Variants in SNX6 observed in about 807,000 individuals in gnomAD.
SNX6 encodes the protein sorting nexin-6.
SNX6 carries 34 observed loss-of-function variants against 63.0 expected under a neutral mutation model. The ratio of observed to expected loss-of-function variants is 0.54; its 90% CI spans 0.41 to 0.72. The LOEUF (loss-of-function observed/expected upper bound fraction) is 0.72, where lower values mean the gene tolerates loss of function less well. Among genes scored for constraint, SNX6 ranks in the 30% least tolerant of loss-of-function variants. The probability of loss-of-function intolerance (pLI) is 0.00; values close to 1 mark genes in which losing one functional copy is unlikely to be tolerated. For synonymous variants in SNX6, 170 were observed against 164.2 expected (o/e 1.04, Z -0.27); for missense variants, 398 against 471.4 (o/e 0.84, Z 1.44).
At chr14:34,620,230 A>G (rs1263467873) in intron 2 of SNX6, among the ~76,000 whole-genome samples, 8 of 152,162 alleles carry the variant, frequency 5.3e-5, no homozygotes, top group Admixed American at 3.3e-4. Flanking sequence ...CCCCACCCTC[A>G]ACAAGTGAAC....
At chr14:34,602,327 G>A (rs541941165) in intron 6 of SNX6, among the ~76,000 whole-genome samples, 1 of 152,022 alleles carries the variant, frequency 6.6e-6, no homozygotes, top group South Asian at 2.1e-4. Context: ...TTGAGAGTCT[G>A]AGGCAGAAGA....
chr14:34,563,187 A>G lies in SNX6; in HGVS notation c.1168-12T>C, dbSNP rs1881007463. 1 of 1,610,494 alleles carries G rather than the reference A, an allele frequency of 6.2e-7. No homozygotes were observed. The highest frequency in any genetic ancestry group is 1.1e-5 in the South Asian group (1 of 90,536). On this transcript the variant is annotated splice_polypyrimidine_tract_variant and intron_variant, in intron 13 of 13. Transcript: ENST00000362031. ...AACTGTAGATTACCCTAAAAAAGGAAGAAAAAATAAATTACAAATTTTATT... is the reference window on the plus strand; with the variant it reads ...AACTGTAGATTACCCTAAAAAAGGAGGAAAAAATAAATTACAAATTTTATT...
At chr14:34,572,705 G>A (rs1881501540) in intron 11 of SNX6, among the ~76,000 whole-genome samples, 1 of 151,492 alleles carries the variant, frequency 6.6e-6, no homozygotes, top group Non-Finnish European at 1.5e-5. Context: ...TTTTGAGATG[G>A]AGTCTCGCTC....
intron 10 of SNX6, among the ~76,000 whole-genome samples, chr14:34,578,759 T>C (rs71419996): frequency 0.38 from 56,515 of 149,408 alleles, 12,453 homozygotes; most frequent in East Asian, 0.74. Context: ...GCCAACATGG[T>C]GAAACCCCAT....
intron 8 of SNX6, among the ~76,000 whole-genome samples, chr14:34,587,789 G>A (rs1258141748): frequency 2.1e-5 from 3 of 145,762 alleles, no homozygotes; most frequent in East Asian, 2.0e-4. Context: ...ATGCCACCAC[G>A]GTTGGCTAAT....
chr14:34,567,146 C>A (rs1881219696), intron 13 of SNX6, among the ~76,000 whole-genome samples: 1 of 151,642 alleles, frequency 6.6e-6, no homozygotes, highest in East Asian at 1.9e-4. Flanking sequence ...GTTGCTTGAA[C>A]CTGGGAAGCA....
intron 2 of SNX6, among the ~76,000 whole-genome samples, chr14:34,620,826 A>C (rs577663671): frequency 6.6e-6 from 1 of 152,110 alleles, no homozygotes; most frequent in Non-Finnish European, 1.5e-5. Flanking sequence ...CTGTAATCCC[A>C]GCTACTCAGG....
chr14:34,578,288 ATTTTCTGCAAC>A, intron 10 of SNX6, among the ~76,000 whole-genome samples: 1 of 152,098 alleles, frequency 6.6e-6, no homozygotes, highest in Non-Finnish European at 1.5e-5. Context: ...TTCTTGTACT[ATTTTCTGCAAC>A]TTTTCTGTAA....
intron 13 of SNX6, among the ~76,000 whole-genome samples, chr14:34,564,828 C>CA (rs754717917): frequency 0.066 from 6,454 of 97,680 alleles, 175 homozygotes; most frequent in Middle Eastern, 0.12. Flanking sequence ...AACTAAGTAT[C>CA]AAAAAAAAAA....
chr14:34,589,095 C>T (rs1008129920), intron 8 of SNX6, among the ~76,000 whole-genome samples: 5 of 152,122 alleles, frequency 3.3e-5, no homozygotes, highest in African/African-American at 1.2e-4. Context: ...GATCACGTCA[C>T]TGCACTCCAG....
At chr14:34,576,147 A>C (rs1407747462) in intron 10 of SNX6, among the ~76,000 whole-genome samples, 1 of 151,524 alleles carries the variant, frequency 6.6e-6, no homozygotes, top group Non-Finnish European at 1.5e-5. Flanking sequence ...GGATGGTCTC[A>C]ATCTCCTGAC....
intron 2 of SNX6, chr14:34,629,480 A>G (rs1238213791): frequency 2.1e-6 from 1 of 476,802 alleles, no homozygotes. Context: ...AGAGAGACAG[A>G]AGGGTGGGCG....
rs943201388 is a variant in SNX6 at position 34,627,081 on chromosome 14, T to C, written c.54+2826A>G. Among the ~76,000 whole-genome samples the C allele has an allele frequency of 5.9e-5, 9 of 152,304 alleles. No homozygotes were observed. The South Asian group carries it at 1.7e-3, about 28-fold the overall frequency. On this transcript the variant is annotated intron_variant, in intron 2 of 13. Coordinates refer to ENST00000362031, the MANE Select transcript of SNX6 (RefSeq NM_152233.4). Reference sequence around the variant, plus strand: ...CCTGGCTCTCTCAAGCCATAGCTCATTGTTCTCAAGCTCTCAGCCTCTCAA... The same window carrying C: ...CCTGGCTCTCTCAAGCCATAGCTCACTGTTCTCAAGCTCTCAGCCTCTCAA...
At chr14:34,563,247 G>C in intron 13 of SNX6, 72 bp from the exon 14 acceptor site, 3 of 1,410,742 alleles carry the variant, frequency 2.1e-6, no homozygotes, top group Non-Finnish European at 3.0e-6. Context: ...TGAAAATACA[G>C]TTAGAAACGA....
At chr14:34,621,992 CTT>C (rs747535266) in intron 2 of SNX6, among the ~76,000 whole-genome samples, 12 of 109,716 alleles carry the variant, frequency 1.1e-4, no homozygotes, top group African/African-American at 1.8e-4. Flanking sequence ...GAGTTTCACT[CTT>C]GTCGCCCAGG....
At chr14:34,630,077 G>T in intron 1 of SNX6, 34 bp downstream of exon 1, 1 of 1,454,906 alleles carries the variant, frequency 6.9e-7, no homozygotes, top group South Asian at 1.4e-5. Context: ...CCCCCACCGC[G>T]CTCCCGGGAC....
chr14:34,624,699 G>A (rs1478742441), intron 2 of SNX6, among the ~76,000 whole-genome samples: 1 of 151,812 alleles, frequency 6.6e-6, no homozygotes, highest in African/African-American at 2.4e-5. Flanking sequence ...AGGAGGCTGA[G>A]GCAGGAGAAT....
rs144733205 is a variant in SNX6, at chr14:34,607,989, C to T, written c.270+41G>A. The T allele has an allele frequency of 2.4e-4, 251 of 1,039,998 alleles. No homozygotes were observed. In the African/African-American group the frequency reaches 3.7e-3, roughly 15 times the overall value. The allele number at this position is 1,039,998 out of a possible 1,614,324, so 64.4% of individuals were successfully genotyped here. A position where few individuals can be genotyped will look rare whatever the true frequency, so the allele number is the denominator to read the frequency against. On this transcript the variant is annotated intron_variant, in intron 4 of 13. Transcript: ENST00000362031. ...CCAAAACATAACGAAGTACCTAAAA[C>T]CTCCTAGAAAATGGAATTAAAATGG...
chr14:34,575,036 C>T (rs897956940), intron 11 of SNX6, among the ~76,000 whole-genome samples: 8 of 151,614 alleles, frequency 5.3e-5, no homozygotes, highest in South Asian at 2.1e-4. Flanking sequence ...GGACTACAGG[C>T]GCCCACCACC....
Sources: gnomAD v4.1 joint callset for allele counts (sites outside exome capture counted in the v4.1 genomes callset) on GRCh38, gnomAD v4.1.1 for gene constraint, MANE v1.5 for transcripts, NCBI Gene and HGNC (gene_info 2026-07-23, HGNC 2026-07-21) for gene names.